The following RNF220 variants were observed in gnomAD, a reference collection of about 807,000 sequenced individuals.
RNF220 encodes the protein ring finger protein 220.
A neutral mutation model predicts 67.1 loss-of-function variants in RNF220; 7 were observed. The observed-to-expected ratio is 0.10, with a 90% CI of 0.06 to 0.20. RNF220 has a LOEUF of 0.20. Among genes scored for constraint, RNF220 ranks in the 10% least tolerant of loss-of-function variants. RNF220 has a pLI of 1.00. For missense variants in RNF220, 565 were observed against 740.3 expected (o/e 0.76, Z 2.75); for synonymous variants, 270 against 283.2 (o/e 0.95, Z 0.47).
intron 3 of RNF220, among the ~76,000 whole-genome samples, chr1:44,616,985 A>G (rs1257836653): frequency 6.6e-6 from 1 of 151,648 alleles, no homozygotes; most frequent in Non-Finnish European, 1.5e-5. Context: ...ACATCCTCCC[A>G]GAGCATCCCC....
At chr1:44,463,486 G>T (rs115081726) in intron 2 of RNF220, among the ~76,000 whole-genome samples, 1 of 150,990 alleles carries the variant, frequency 6.6e-6, no homozygotes, top group Non-Finnish European at 1.5e-5. Context: ...ATGATTTGTC[G>T]TTCTAATAAA....
intron 2 of RNF220, among the ~76,000 whole-genome samples, chr1:44,482,318 C>T (rs1655890322): frequency 6.6e-6 from 1 of 152,126 alleles, no homozygotes; most frequent in Non-Finnish European, 1.5e-5. Context: ...TAGTCTGGAT[C>T]CCTGGGGCTC....
chr1:44,436,751 A>G (rs1265077338), intron 2 of RNF220, among the ~76,000 whole-genome samples: 1 of 152,208 alleles, frequency 6.6e-6, no homozygotes, highest in Non-Finnish European at 1.5e-5. Flanking sequence ...TGAGGATTAG[A>G]TTCTCCTTAA....
rs563112518 is a variant in RNF220, at chr1:44,515,441, C to T, written c.626-98724C>T. ...AGTTGTAAATGATCCACAGGATTGG[C>T]ATGCTCTAGGAATGAAGAAGTCATT... On this transcript the variant is annotated intron_variant, in intron 2 of 14. Coordinates refer to ENST00000361799, the MANE Select transcript of RNF220 (RefSeq NM_018150.4). Among the ~76,000 whole-genome samples the T allele has an allele frequency of 2.0e-5, 3 of 152,272 alleles. No individual in the cohort carries two copies. In the East Asian group the frequency reaches 5.8e-4, roughly 29 times the overall value.
intron 2 of RNF220, among the ~76,000 whole-genome samples, chr1:44,578,755 T>C (rs2148337374): frequency 6.6e-6 from 1 of 152,300 alleles, no homozygotes; most frequent in Non-Finnish European, 1.5e-5. Context: ...CTGCCTATGG[T>C]TTAGCATCCT....
intron 2 of RNF220, among the ~76,000 whole-genome samples, chr1:44,468,161 T>C (rs1654453191): frequency 9.7e-6 from 1 of 102,662 alleles, no homozygotes. Flanking sequence ...ATAGATTTGC[T>C]CAACACAGGG....
chr1:44,415,407 A>T (rs1438047503), intron 2 of RNF220, among the ~76,000 whole-genome samples: 2 of 151,972 alleles, frequency 1.3e-5, no homozygotes, highest in Non-Finnish European at 2.9e-5. Flanking sequence ...GGGTATGGGG[A>T]TATGAAAAGA....
intron 2 of RNF220, among the ~76,000 whole-genome samples, chr1:44,514,141 C>T (rs1237364394): frequency 2.6e-5 from 4 of 152,176 alleles, no homozygotes; most frequent in Non-Finnish European, 5.9e-5. Flanking sequence ...GTCTAACTCC[C>T]ACTCCAAACT....
At chr1:44,626,259 A>G in intron 4 of RNF220, 38 bp from the exon 5 acceptor site, 1 of 1,532,832 alleles carries the variant, frequency 6.5e-7, no homozygotes, top group South Asian at 1.1e-5. Context: ...TGTAGGTCTC[A>G]TTTGGCCTGA....
chr1:44,490,095 G>C (rs1173406319), intron 2 of RNF220, among the ~76,000 whole-genome samples: 2 of 151,998 alleles, frequency 1.3e-5, no homozygotes, highest in Non-Finnish European at 2.9e-5. Flanking sequence ...TTCTTCGTAA[G>C]ACCAGTTGAG....
In RNF220 at chr1:44,405,415, C is replaced by T. The variant is rs1396708098; in HGVS notation, c.-233C>T. On this transcript the variant is annotated 5_prime_UTR_variant, in exon 1 of 15. Transcript: ENST00000361799. ...CTGCTGCCGCTGCCGCCGCCGCCGC[C>T]GCCGCTGCCTCCGCCGGCTCTGCGA... is the stretch of plus-strand genomic sequence containing the variant. 8 of 633,840 alleles carry T rather than the reference C, an allele frequency of 1.3e-5. No homozygotes were observed. The highest frequency in any genetic ancestry group is 3.3e-5 in the South Asian group (2 of 60,196). 39.3% of individuals were successfully genotyped at this position (633,840 alleles called of 1,614,324 possible).
In RNF220 at chr1:44,574,795, C is replaced by T. The variant is rs982793509; in HGVS notation, c.626-39370C>T. On this transcript the variant is annotated intron_variant, in intron 2 of 14. Transcript: ENST00000361799. ...TGATTCCTCTGTGCTTCCTCAGCCG[C>T]CTGTGCTAACCCCTATGGGATTGTT... Among the ~76,000 whole-genome samples, 7 of 152,222 alleles carry T rather than the reference C, an allele frequency of 4.6e-5. No individual in the cohort carries two copies. The South Asian group carries it at 1.2e-3, about 27-fold the overall frequency.
intron 2 of RNF220, among the ~76,000 whole-genome samples, chr1:44,581,584 A>G (rs1665282010): frequency 6.6e-6 from 1 of 152,170 alleles, no homozygotes; most frequent in African/African-American, 2.4e-5. Context: ...CCAAACCCTC[A>G]GTGTTTTTCC....
intron 2 of RNF220, among the ~76,000 whole-genome samples, chr1:44,413,769 C>A (rs563433624): frequency 2.0e-5 from 3 of 152,102 alleles, no homozygotes; most frequent in Non-Finnish European, 4.4e-5. Flanking sequence ...CTCCCATCCT[C>A]TCTATAACCA....
At chr1:44,646,709 G>C (rs1382515300) in intron 12 of RNF220, among the ~76,000 whole-genome samples, 2 of 152,152 alleles carry the variant, frequency 1.3e-5, no homozygotes, top group East Asian at 1.9e-4. Flanking sequence ...ACCCAAGGCT[G>C]GGGGGAGCCA....
At chr1:44,568,511 C>T (rs1457597668) in intron 2 of RNF220, among the ~76,000 whole-genome samples, 2 of 152,188 alleles carry the variant, frequency 1.3e-5, no homozygotes. Flanking sequence ...TAATGTCTGC[C>T]AAATAAATGA....
chr1:44,624,762 C>T lies in RNF220; in HGVS notation c.805-1535C>T, dbSNP rs1207567982. ...CATTAAGAAAAAAATTAGCCGGTGG[C>T]GGCTATCATATTAAAGGGTGAAGAA... is the stretch of plus-strand genomic sequence containing the variant. On this transcript the variant is annotated intron_variant, in intron 4 of 14. Coordinates refer to ENST00000361799, the MANE Select transcript of RNF220 (RefSeq NM_018150.4). This position sits in a 1 kb window ranked among gnomAD's most constrained non-coding sequence, Gnocchi z 4.2. Among the ~76,000 whole-genome samples, 3 of 152,038 alleles carry T rather than the reference C, an allele frequency of 2.0e-5. No homozygotes were observed. The highest frequency in any genetic ancestry group is 6.5e-5 in the Admixed American group (1 of 15,276).
chr1:44,635,461 A>T, intron 6 of RNF220, 84 bp from the exon 7 acceptor site: 1 of 1,558,088 alleles, frequency 6.4e-7, no homozygotes, highest in Non-Finnish European at 8.7e-7. Flanking sequence ...GCAAGAGGTC[A>T]GGATGTGTCA....
chr1:44,618,564 G>A (rs1643656687), intron 3 of RNF220, among the ~76,000 whole-genome samples: 1 of 152,226 alleles, frequency 6.6e-6, no homozygotes, highest in African/African-American at 2.4e-5. Flanking sequence ...AACTTGGCCA[G>A]GTAGAACAAG....
Sources: allele counts gnomAD v4.1 joint callset (sites outside exome capture counted in the v4.1 genomes callset), GRCh38; gene constraint gnomAD v4.1.1; non-coding constraint Gnocchi (gnomAD v3.1); transcripts MANE v1.5; gene names NCBI Gene and HGNC (gene_info 2026-07-23, HGNC 2026-07-21).